CHODL: variants seen among roughly 807,000 people sequenced by gnomAD.
CHODL encodes the protein transmembrane protein MT75.
CHODL carries 29 observed loss-of-function variants against 34.5 expected under a neutral mutation model. The ratio of observed to expected loss-of-function variants is 0.84; its 90% CI spans 0.63 to 1.15. The LOEUF (loss-of-function observed/expected upper bound fraction) is 1.15, where lower values mean the gene tolerates loss of function less well. Ranked by LOEUF, CHODL falls within the 50% of genes most tolerant of loss-of-function variation. The probability of loss-of-function intolerance (pLI) is 0.00; values close to 1 mark genes in which losing one functional copy is unlikely to be tolerated. For synonymous variants in CHODL, 125 were observed against 116.1 expected (o/e 1.08, Z -0.49); for missense variants, 332 against 332.5 (o/e 1.00, Z 0.01).
chr21:18,255,819 G>A (rs899770143), intron 1 of CHODL, among the ~76,000 whole-genome samples: 20 of 152,046 alleles, frequency 1.3e-4, no homozygotes, highest in African/African-American at 4.8e-4. Context: ...CCTAGGAATT[G>A]GAGTTTACAC....
chr21:18,248,696 T>TAATAC (rs2074181291), intron 1 of CHODL, among the ~76,000 whole-genome samples: 1 of 116,004 alleles, frequency 8.6e-6, no homozygotes, highest in African/African-American at 4.2e-5. Flanking sequence ...ATTATATACA[T>TAATAC]ATATATGTAT....
chr21:18,108,676 G>T (rs569097981), intron 2 of CHODL, among the ~76,000 whole-genome samples: 59 of 152,218 alleles, frequency 3.9e-4, no homozygotes, highest in African/African-American at 1.3e-3. Context: ...GATCCTTTAT[G>T]AATTAAAATT....
intron 2 of CHODL, among the ~76,000 whole-genome samples, chr21:18,089,486 C>A (rs902161061): frequency 1.3e-5 from 2 of 152,012 alleles, no homozygotes; most frequent in African/African-American, 2.4e-5. Flanking sequence ...TAATTTATCT[C>A]ATTAATTTAT....
intron 2 of CHODL, among the ~76,000 whole-genome samples, chr21:18,181,564 G>A (rs1232886418): frequency 2.6e-5 from 4 of 152,046 alleles, no homozygotes; most frequent in Admixed American, 1.3e-4. Context: ...CACCACGCCC[G>A]GCTAATTTTT....
chr21:17,967,733 G>C (rs1020383898), intron 1 of CHODL, among the ~76,000 whole-genome samples: 10 of 147,388 alleles, frequency 6.8e-5, no homozygotes, highest in African/African-American at 2.2e-4. Context: ...CATACTTTCC[G>C]TAACTAGGGT....
chr21:18,110,185 A>C (rs748849193), intron 2 of CHODL, among the ~76,000 whole-genome samples: 1 of 152,232 alleles, frequency 6.6e-6, no homozygotes, highest in African/African-American at 2.4e-5. Context: ...CAGTTCCACT[A>C]ACTTTTGCTT....
intron 2 of CHODL, among the ~76,000 whole-genome samples, chr21:18,069,984 T>TTCCCTTCCCTTCCC (rs2064777458): frequency 2.3e-5 from 1 of 44,052 alleles, no homozygotes; most frequent in Non-Finnish European, 4.8e-5. Context: ...CCTCCTTTTC[T>TTCCCTTCCCTTCCC]TTCCCTTCCC....
At chr21:17,987,338 A>G (rs1568831772) in intron 1 of CHODL, among the ~76,000 whole-genome samples, 1 of 152,206 alleles carries the variant, frequency 6.6e-6, no homozygotes, top group Non-Finnish European at 1.5e-5. Context: ...CTTCTTCAAA[A>G]TATCTTTTTC....
chr21:18,188,058 C>G (rs773037669), intron 2 of CHODL, among the ~76,000 whole-genome samples: 2 of 151,902 alleles, frequency 1.3e-5, no homozygotes, highest in African/African-American at 2.4e-5. Flanking sequence ...ATCCAACATA[C>G]TTTTCCCTTT....
rs2064132401 is a variant in CHODL, at chr21:18,021,988, AGG to A, written c.-144-5883_-144-5882del. Among the ~76,000 whole-genome samples the A allele has an allele frequency of 3.9e-5, 6 of 152,110 alleles. 1 individual carries two copies. Among genetic ancestry groups the A allele is most frequent in the Admixed American group, 2.6e-4 (4 of 15,264 alleles). The stretch of plus-strand genomic sequence containing the variant: ...TTTGGGAGGCAATTAGGTTTAGGGG[AGG>A]TCATGAGGGTGAAGCCCCCGCCACC... On this transcript the variant is annotated intron_variant, in intron 1 of 6. Coordinates refer to the CHODL transcript ENST00000400127.
chr21:18,233,616 G>A (rs2146759207), intron 2 of CHODL, among the ~76,000 whole-genome samples: 1 of 152,156 alleles, frequency 6.6e-6, no homozygotes, highest in East Asian at 1.9e-4. Flanking sequence ...GAAGATCTAA[G>A]TTTAGCTTTA....
chr21:18,211,141 T>TACAA (rs2073769748), intron 2 of CHODL, among the ~76,000 whole-genome samples: 2 of 148,686 alleles, frequency 1.3e-5, no homozygotes, highest in Admixed American at 6.7e-5. Context: ...TACACATGGA[T>TACAA]ACACACACAC....
At chr21:18,038,623 T>G (rs182621956) in intron 2 of CHODL, among the ~76,000 whole-genome samples, 1 of 151,748 alleles carries the variant, frequency 6.6e-6, no homozygotes, top group African/African-American at 2.4e-5. Flanking sequence ...TTCCCATATT[T>G]GATGACCACT....
chr21:18,145,437 A>G (rs1287182515), intron 2 of CHODL, among the ~76,000 whole-genome samples: 1 of 85,806 alleles, frequency 1.2e-5, no homozygotes, highest in Non-Finnish European at 2.7e-5. Context: ...CTACCTTTCA[A>G]AAAAAAAAAA....
At chr21:17,996,222 T>G (rs997254066) in intron 1 of CHODL, among the ~76,000 whole-genome samples, 1 of 152,188 alleles carries the variant, frequency 6.6e-6, no homozygotes, top group African/African-American at 2.4e-5. Flanking sequence ...AAATACCTCC[T>G]GTTGGTAAAT....
At chr21:18,245,674 A>T (rs888650985) in intron 1 of CHODL, among the ~76,000 whole-genome samples, 3 of 152,152 alleles carry the variant, frequency 2.0e-5, no homozygotes, top group Admixed American at 2.0e-4. Flanking sequence ...ACCCAGAGAC[A>T]GAAGAGCCAC....
intron 2 of CHODL, among the ~76,000 whole-genome samples, chr21:18,160,675 A>G (rs748089594): frequency 5.9e-5 from 9 of 152,186 alleles, no homozygotes; most frequent in African/African-American, 2.2e-4. Flanking sequence ...TTCTGTTTTT[A>G]TGGATTCATA....
At chr21:18,000,677 C>T (rs1187116454) in intron 1 of CHODL, among the ~76,000 whole-genome samples, 2 of 152,086 alleles carry the variant, frequency 1.3e-5, no homozygotes, top group African/African-American at 2.4e-5. Context: ...AAAGGCTTAC[C>T]TGATTTTCCA....
chr21:18,250,321 T>TA (rs201255608), intron 1 of CHODL, among the ~76,000 whole-genome samples: 6,081 of 151,796 alleles, frequency 0.04, 388 homozygotes, highest in African/African-American at 0.14. Context: ...TTCTGATTTT[T>TA]TAAAAAAATA....
Sources: allele counts gnomAD v4.1 joint callset (sites outside exome capture counted in the v4.1 genomes callset), GRCh38; gene constraint gnomAD v4.1.1; transcripts MANE v1.5; gene names NCBI Gene and HGNC (gene_info 2026-07-23, HGNC 2026-07-21).